SWT1: variants seen among roughly 807,000 people sequenced by gnomAD.
SWT1 encodes the protein transcriptional protein SWT1.
In SWT1, 33 loss-of-function variants were observed where a neutral mutation model predicts 107.3. That is an observed-to-expected ratio of 0.31 (90% CI 0.23 to 0.41). The LOEUF is 0.41. Ranked by LOEUF, SWT1 falls within the 10% of genes least tolerant of loss-of-function variation. The pLI is 1.00. For synonymous variants in SWT1, 345 were observed against 348.3 expected, an observed-to-expected ratio of 0.99 and a Z score of 0.11; for missense variants, 898 against 1,028.9, an observed-to-expected ratio of 0.87 and a Z score of 1.74.
Position 185,174,691 on chromosome 1 carries a change from A to G in SWT1, c.544A>G (p.Lys182Glu). The change falls in exon 5 of 19, where the codon AAG becomes GAG. Residue 182 changes from lysine (K) to glutamate (E), a missense_variant. By Grantham distance (56) the Lys-to-Glu change is moderately conservative. This residue lies in a region of SWT1 where 382 missense variants were observed against 362.4 expected (regional missense o/e 1.05). Transcript: ENST00000367500. ...KWSHLLVQREKMKELKKGRNS... is the reference protein window; with the variant it reads ...KWSHLLVQREEMKELKKGRNS... ...GTCTCATTTACTTGTTCAGAGAGAG[A>G]AGATGAAAGAACTCAAGAAAGGAAG... The G allele has an allele frequency of 1.2e-5, 20 of 1,613,762 alleles. No homozygotes were observed. Among genetic ancestry groups the G allele is most frequent in the Non-Finnish European group, 1.6e-5 (19 of 1,179,914 alleles).
intron 18 of SWT1, chr1:185,281,530 C>A: frequency 4.3e-6 from 1 of 230,870 alleles, no homozygotes; most frequent in South Asian, 5.8e-5. Flanking sequence ...ACCATCAGAT[C>A]ATCTGCCTGC....
chr1:185,253,733 A>G (rs1437331620), intron 16 of SWT1, among the ~76,000 whole-genome samples: 4 of 151,176 alleles, frequency 2.6e-5, no homozygotes, highest in African/African-American at 9.8e-5. Flanking sequence ...AAACAGGGAC[A>G]ATTTGACTTC....
chr1:185,274,309 T>TTA (rs1214909686), intron 17 of SWT1, among the ~76,000 whole-genome samples: 2 of 147,946 alleles, frequency 1.4e-5, no homozygotes, highest in Non-Finnish European at 3.0e-5. Context: ...TATATATATT[T>TTA]TATATATATA....
intron 4 of SWT1, 125 bp from the exon 5 acceptor site, chr1:185,174,247 A>G: frequency 1.5e-6 from 1 of 676,902 alleles, no homozygotes; most frequent in Non-Finnish European, 2.2e-6. Flanking sequence ...CTTCATTCTT[A>G]ATGTAGCTAT....
intron 18 of SWT1, among the ~76,000 whole-genome samples, chr1:185,280,264 G>A (rs866566312): frequency 6.6e-6 from 1 of 152,094 alleles, no homozygotes; most frequent in Admixed American, 6.6e-5. Flanking sequence ...CTCCATGATT[G>A]TAAGTTTCCT....
chr1:185,269,376 T>G (rs1191347603), intron 16 of SWT1, among the ~76,000 whole-genome samples: 1 of 151,196 alleles, frequency 6.6e-6, no homozygotes. Flanking sequence ...GGTTTTTGTT[T>G]TTTTTTTTTT....
At chr1:185,223,745 C>T (rs972277220) in intron 15 of SWT1, among the ~76,000 whole-genome samples, 1 of 152,104 alleles carries the variant, frequency 6.6e-6, no homozygotes, top group South Asian at 2.1e-4. Context: ...TTTCTTCACC[C>T]AGGCATTAGG....
intron 15 of SWT1, among the ~76,000 whole-genome samples, chr1:185,226,435 T>C (rs1660061127): frequency 6.6e-6 from 1 of 152,160 alleles, no homozygotes; most frequent in Non-Finnish European, 1.5e-5. Flanking sequence ...AATAGTTATA[T>C]AAAACTATAC....
At chr1:185,241,979 A>T (rs1661281957) in intron 16 of SWT1, among the ~76,000 whole-genome samples, 1 of 152,130 alleles carries the variant, frequency 6.6e-6, no homozygotes, top group African/African-American at 2.4e-5. Context: ...TTCGGGTTAC[A>T]TTGTTATCCT....
At chr1:185,208,560 T>G (rs1260791318) in intron 13 of SWT1, among the ~76,000 whole-genome samples, 2 of 152,202 alleles carry the variant, frequency 1.3e-5, no homozygotes, top group Non-Finnish European at 2.9e-5. Context: ...CTAATTACCC[T>G]GATTTAATTG....
chr1:185,240,079 T>G (rs1661161031), intron 16 of SWT1, among the ~76,000 whole-genome samples: 1 of 151,966 alleles, frequency 6.6e-6, no homozygotes, highest in Non-Finnish European at 1.5e-5. Context: ...ACAATACAAG[T>G]GTTGTAGATA....
At chr1:185,257,575 C>T (rs561231974) in intron 16 of SWT1, among the ~76,000 whole-genome samples, 1 of 152,188 alleles carries the variant, frequency 6.6e-6, no homozygotes, top group Non-Finnish European at 1.5e-5. Flanking sequence ...TTCTTTGACT[C>T]GGAAAGGGAA....
At chr1:185,285,853 A>C (rs1664915039) in intron 18 of SWT1, among the ~76,000 whole-genome samples, 1 of 152,228 alleles carries the variant, frequency 6.6e-6, no homozygotes, top group African/African-American at 2.4e-5. Flanking sequence ...CCTTGATGAA[A>C]ATCAGTTGAC....
intron 13 of SWT1, among the ~76,000 whole-genome samples, chr1:185,208,276 T>C (rs1558040973): frequency 6.6e-6 from 1 of 152,184 alleles, no homozygotes; most frequent in African/African-American, 2.4e-5. Context: ...TCTCTGTCTT[T>C]TCCTTGAAGT....
At chr1:185,158,268 GGTGT>G (rs913093754) in intron 1 of SWT1, among the ~76,000 whole-genome samples, 1 of 151,628 alleles carries the variant, frequency 6.6e-6, no homozygotes, top group Non-Finnish European at 1.5e-5. Flanking sequence ...TATCTGGAGG[GGTGT>G]GTGTGTGTGT....
intron 16 of SWT1, among the ~76,000 whole-genome samples, chr1:185,255,742 A>G (rs1461661895): frequency 1.5e-4 from 22 of 147,084 alleles, no homozygotes; most frequent in African/African-American, 4.1e-4. Context: ...CCAATTTGCC[A>G]GTCTGTGTCT....
At chr1:185,250,860 G>A (rs12120377) in intron 16 of SWT1, among the ~76,000 whole-genome samples, 48,678 of 151,712 alleles carry the variant, frequency 0.32, 8,055 homozygotes, top group Non-Finnish European at 0.36. Flanking sequence ...ACAGGGTTTC[G>A]CCATGTTGGC....
intron 10 of SWT1, among the ~76,000 whole-genome samples, chr1:185,191,522 G>A (rs1023905461): frequency 3.9e-5 from 6 of 151,974 alleles, no homozygotes; most frequent in Non-Finnish European, 8.8e-5. Context: ...TATAGAAATC[G>A]TTAGCCCTAA....
chr1:185,204,150 T>C (rs1412124006), intron 11 of SWT1, among the ~76,000 whole-genome samples: 1 of 152,132 alleles, frequency 6.6e-6, no homozygotes, highest in Non-Finnish European at 1.5e-5. Context: ...TAGAAAAATA[T>C]TCCGTTTTTG....
Sources: gnomAD v4.1 joint callset for allele counts (sites outside exome capture counted in the v4.1 genomes callset) on GRCh38, gnomAD v4.1.1 for gene constraint, gnomAD v4.1.1 regional missense constraint, MANE v1.5 for transcripts, NCBI Gene and HGNC (gene_info 2026-07-23, HGNC 2026-07-21) for gene names.